NOS1AP: variants seen among roughly 807,000 people sequenced by gnomAD.
NOS1AP encodes nitric oxide synthase 1 adaptor protein.
A neutral mutation model predicts 56.2 loss-of-function variants in NOS1AP; 21 were observed. The observed-to-expected ratio is 0.37, with a 90% confidence interval of 0.26 to 0.54. The LOEUF (loss-of-function observed/expected upper bound fraction) is 0.54. Among genes scored for constraint, NOS1AP ranks in the 20% least tolerant of loss-of-function variants. The pLI is 0.84. For missense variants in NOS1AP, 522 were observed against 657.8 expected (o/e 0.79, Z 2.26); for synonymous variants, 270 against 274.6 (o/e 0.98, Z 0.17).
chr1:162,172,718 TTTTGTTTG>T (rs371564365), intron 2 of NOS1AP, among the ~76,000 whole-genome samples: 4 of 152,174 alleles, frequency 2.6e-5, no homozygotes, highest in African/African-American at 7.2e-5. Flanking sequence ...TGTTGTTTGT[TTTTGTTTG>T]TTTGTTTGTT....
chr1:162,184,177 A>G (rs539966957), intron 2 of NOS1AP, among the ~76,000 whole-genome samples: 2 of 152,248 alleles, frequency 1.3e-5, no homozygotes, highest in Admixed American at 6.6e-5. Flanking sequence ...AGGGAGAGAG[A>G]TGGGGGAATG....
At chr1:162,099,543 G>T (rs1206959154) in intron 1 of NOS1AP, among the ~76,000 whole-genome samples, 1 of 152,104 alleles carries the variant, frequency 6.6e-6, no homozygotes, top group Non-Finnish European at 1.5e-5. Context: ...GTATCTCATT[G>T]TGGTTTTGAT....
intron 1 of NOS1AP, among the ~76,000 whole-genome samples, chr1:162,108,212 G>A (rs1647583663): frequency 6.6e-6 from 1 of 152,164 alleles, no homozygotes; most frequent in African/African-American, 2.4e-5. Flanking sequence ...TATACAAGAT[G>A]TGCCTGGTTC....
intron 4 of NOS1AP, among the ~76,000 whole-genome samples, chr1:162,312,428 T>G (rs1157836396): frequency 5.6e-5 from 7 of 124,918 alleles, no homozygotes; most frequent in Admixed American, 5.0e-4. Context: ...TTTGATGGGG[T>G]TGTTTGTTTT....
At chr1:162,075,704 G>A (rs555965107) in intron 1 of NOS1AP, among the ~76,000 whole-genome samples, 2 of 152,280 alleles carry the variant, frequency 1.3e-5, no homozygotes, top group African/African-American at 4.8e-5. Context: ...CATCATTAAG[G>A]AGGAGACGTA....
chr1:162,265,218 C>T (rs189818746), intron 2 of NOS1AP, among the ~76,000 whole-genome samples: 62 of 133,728 alleles, frequency 4.6e-4, no homozygotes, highest in African/African-American at 1.8e-3. Context: ...ATTAAAGGGT[C>T]GTTTTCTTTT....
At position 162,296,050 on chromosome 1, in the gene NOS1AP, G is replaced by A. The variant is rs781483322; in HGVS notation, c.271-4583G>A. ...ACCTGTAATCCCAGCACTTTGGGAG[G>A]CCGAGGCAGGCGGATCACCTGAGAT... On this transcript the variant is annotated intron_variant, in intron 3 of 9. Transcript: ENST00000361897. Among the ~76,000 whole-genome samples the A allele has an allele frequency of 1.1e-3, 162 of 152,212 alleles. 2 individuals carry two copies. Among genetic ancestry groups the A allele is most frequent in the Middle Eastern group, 3.4e-3 (1 of 294 alleles).
chr1:162,275,056 A>C (rs1557859296), intron 2 of NOS1AP, among the ~76,000 whole-genome samples: 1 of 152,208 alleles, frequency 6.6e-6, no homozygotes, highest in Non-Finnish European at 1.5e-5. Flanking sequence ...CCACGGAGCA[A>C]GTTTAATTTT....
intron 4 of NOS1AP, chr1:162,317,921 A>C (rs956354451): frequency 2.0e-5 from 3 of 152,240 alleles, no homozygotes; most frequent in African/African-American, 7.2e-5. Context: ...CTACTTCCAC[A>C]TCAAAACGGC....
chr1:162,338,534 A>G (rs1341686385), intron 5 of NOS1AP: 1 of 152,232 alleles, frequency 6.6e-6, no homozygotes, highest in Non-Finnish European at 1.5e-5. Context: ...ATAGAATATG[A>G]CTAATAAGAA....
At chr1:162,070,722 T>G (rs1409718198) in intron 1 of NOS1AP, among the ~76,000 whole-genome samples, 1 of 152,092 alleles carries the variant, frequency 6.6e-6, no homozygotes, top group Non-Finnish European at 1.5e-5. Flanking sequence ...GAATGCCTGC[T>G]TCCTAATTGA....
chr1:162,263,042 T>C (rs1384276694), intron 2 of NOS1AP, among the ~76,000 whole-genome samples: 1 of 152,240 alleles, frequency 6.6e-6, no homozygotes, highest in East Asian at 1.9e-4. Context: ...CTGTGAGTAC[T>C]CAAGAACATT....
At chr1:162,234,956 T>C (rs1379607213) in intron 2 of NOS1AP, among the ~76,000 whole-genome samples, 1 of 152,196 alleles carries the variant, frequency 6.6e-6, no homozygotes, top group African/African-American at 2.4e-5. Flanking sequence ...GCTGGTTGTT[T>C]TATGCCCTGT....
chr1:162,112,683 T>C (rs1200899886), intron 1 of NOS1AP, among the ~76,000 whole-genome samples: 1 of 152,186 alleles, frequency 6.6e-6, no homozygotes, highest in East Asian at 1.9e-4. Context: ...ATAGATAGAT[T>C]ATTGATCAAT....
At chr1:162,211,612 G>A (rs1652349839) in intron 2 of NOS1AP, among the ~76,000 whole-genome samples, 1 of 152,028 alleles carries the variant, frequency 6.6e-6, no homozygotes, top group African/African-American at 2.4e-5. Context: ...ACCTCCTAGG[G>A]CATTAAAAAC....
intron 2 of NOS1AP, among the ~76,000 whole-genome samples, chr1:162,237,631 G>A (rs1459215822): frequency 6.6e-6 from 1 of 152,174 alleles, no homozygotes; most frequent in East Asian, 1.9e-4. Context: ...ACAGTTGATT[G>A]ACAAGAAGGA....
At chr1:162,220,881 A>C (rs1652745465) in intron 2 of NOS1AP, among the ~76,000 whole-genome samples, 2 of 152,206 alleles carry the variant, frequency 1.3e-5, no homozygotes, top group Admixed American at 1.3e-4. Flanking sequence ...GAGTCTTACT[A>C]TCCAGAATTT....
intron 8 of NOS1AP, 48 bp downstream of exon 8, chr1:162,357,184 T>C: frequency 1.3e-6 from 2 of 1,587,760 alleles, no homozygotes; most frequent in African/African-American, 1.3e-5. Context: ...TCTCATGGGC[T>C]TGATGCACCT....
At chr1:162,257,127 G>C (rs1654056040) in intron 2 of NOS1AP, among the ~76,000 whole-genome samples, 1 of 152,166 alleles carries the variant, frequency 6.6e-6, no homozygotes, top group African/African-American at 2.4e-5. Flanking sequence ...TAAAAAATTA[G>C]CTCATTACAT....
Sources: gnomAD v4.1 joint callset for allele counts (sites outside exome capture counted in the v4.1 genomes callset) on GRCh38, gnomAD v4.1.1 for gene constraint, MANE v1.5 for transcripts, NCBI Gene and HGNC (gene_info 2026-07-23, HGNC 2026-07-21) for gene names.